The following ASIP variants were observed in gnomAD, a reference collection of about 807,000 sequenced individuals.
The protein encoded by ASIP is agouti signaling protein, also known as agouti-signaling protein.
ASIP carries 11 observed loss-of-function variants against 10.3 expected under a neutral mutation model. The observed-to-expected ratio is 1.07, with a 90% confidence interval of 0.68 to 1.78. ASIP has a LOEUF of 1.78. ASIP is among the 40% of genes most tolerant of loss of function. The pLI, the probability that ASIP is intolerant of heterozygous loss-of-function variation, is 0.00. For synonymous variants in ASIP, 70 were observed against 70.8 expected, an observed-to-expected ratio of 0.99 and a Z score of 0.06; for missense variants, 180 against 169.2, an observed-to-expected ratio of 1.06 and a Z score of -0.35.
chr20:34,243,686 C>A (rs1163934039), intron 1 of ASIP, among the ~76,000 whole-genome samples: 1 of 150,214 alleles, frequency 6.7e-6, no homozygotes, highest in Non-Finnish European at 1.5e-5. Context: ...TAGTAGAATT[C>A]ACAGTTAATG....
At chr20:34,215,656 A>G in intron 1 of ASIP, 1 of 1,460,612 alleles carries the variant, frequency 6.8e-7, no homozygotes, top group Admixed American at 1.7e-5. Context: ...GCGTCTCCCT[A>G]ATTAGTTGTT....
intron 1 of ASIP, among the ~76,000 whole-genome samples, chr20:34,205,488 A>G (rs932904827): frequency 6.6e-6 from 1 of 151,466 alleles, no homozygotes; most frequent in Non-Finnish European, 1.5e-5. Flanking sequence ...TTATAAAGGT[A>G]GTGCAGACCC....
At chr20:34,213,390 T>G in intron 1 of ASIP, 1 of 627,596 alleles carries the variant, frequency 1.6e-6, no homozygotes, top group Non-Finnish European at 2.8e-6. Flanking sequence ...TGCCAGAGAG[T>G]GGAGTGTTGC....
chr20:34,213,787 C>T, intron 1 of ASIP: 1 of 1,505,758 alleles, frequency 6.6e-7, no homozygotes, highest in East Asian at 2.3e-5. Context: ...TTGTAAGGGA[C>T]AACTGAGGGC....
At chr20:34,260,574 G>T (rs1466601415) in intron 2 of ASIP, 40 bp downstream of exon 2, 4 of 1,555,080 alleles carry the variant, frequency 2.6e-6, no homozygotes, top group Non-Finnish European at 3.5e-6. Flanking sequence ...CAGGAGAGGG[G>T]CTGCAGGAGA....
intron 1 of ASIP, among the ~76,000 whole-genome samples, chr20:34,248,829 G>T (rs187790601): frequency 2.2e-4 from 33 of 151,556 alleles, no homozygotes; most frequent in African/African-American, 3.1e-4. Flanking sequence ...ATATTCAGCA[G>T]AATATGTTGT....
At chr20:34,263,771 C>T (rs1352311322) in intron 3 of ASIP, among the ~76,000 whole-genome samples, 13 of 150,932 alleles carry the variant, frequency 8.6e-5, no homozygotes, top group Admixed American at 5.3e-4. Flanking sequence ...CGAGTTCAAG[C>T]GATTCTCATG....
At chr20:34,220,976 T>TTC (rs1491051682) in intron 1 of ASIP, among the ~76,000 whole-genome samples, 1 of 148,598 alleles carries the variant, frequency 6.7e-6, no homozygotes, top group African/African-American at 2.5e-5. Context: ...TTTTTTTTTT[T>TTC]CTTCAGTGAA....
intron 1 of ASIP, among the ~76,000 whole-genome samples, chr20:34,210,652 A>G (rs1396365380): frequency 1.3e-5 from 2 of 152,260 alleles, no homozygotes; most frequent in Non-Finnish European, 2.9e-5. Flanking sequence ...AAACTCAGGC[A>G]AAGGTGCCAC....
In ASIP at chr20:34,211,968, T is replaced by C. The variant is rs181346443; in HGVS notation, c.-11+17208T>C. ...AAAGCTTTGGTACATTCTCAGTAAT[T>C]ATCTTCTCAAATATTGCTTGTGTCC... On this transcript the variant is annotated intron_variant, in intron 1 of 3. Coordinates refer to the ASIP transcript ENST00000568305. Among the ~76,000 whole-genome samples the C allele has an allele frequency of 2.6e-5, 4 of 152,320 alleles. No homozygotes were observed. The East Asian group carries it at 7.7e-4, about 29-fold the overall frequency.
At chr20:34,213,659 C>T in intron 1 of ASIP, 3 of 1,560,212 alleles carry the variant, frequency 1.9e-6, no homozygotes, top group African/African-American at 1.4e-5. Flanking sequence ...AGGTCTTTTG[C>T]TTCACAATCT....
At chr20:34,215,894 C>A in intron 1 of ASIP, 1 of 949,492 alleles carries the variant, frequency 1.1e-6, no homozygotes, top group Non-Finnish European at 1.7e-6. Context: ...TTTATCCATC[C>A]TTGCTGCTAT....
intron 1 of ASIP, among the ~76,000 whole-genome samples, chr20:34,210,682 C>A (rs2034968781): frequency 1.3e-5 from 2 of 152,190 alleles, no homozygotes; most frequent in Non-Finnish European, 2.9e-5. Flanking sequence ...AGGTTTCCAG[C>A]CAGAAAAGTG....
upstream of ASIP, among the ~76,000 whole-genome samples, chr20:34,240,900 C>T (rs1179999869): frequency 6.6e-6 from 1 of 152,132 alleles, no homozygotes; most frequent in East Asian, 1.9e-4. Context: ...GACCACAAGA[C>T]TTCTGGCAAC....
intron 1 of ASIP, among the ~76,000 whole-genome samples, chr20:34,204,484 GC>G (rs1468155677): frequency 2.6e-5 from 4 of 152,124 alleles, no homozygotes; most frequent in African/African-American, 4.8e-5. Context: ...CTCCCAAAGT[GC>G]TGGGATTACA....
At chr20:34,258,690 T>TATATATATATATACAC (rs1250992566) in intron 1 of ASIP, among the ~76,000 whole-genome samples, 2 of 72,326 alleles carry the variant, frequency 2.8e-5, no homozygotes, top group African/African-American at 1.5e-4. Flanking sequence ...TATATATATA[T>TATATATATATATACAC]ACATACTATA....
chr20:34,196,519 G>A (rs1344129417), intron 1 of ASIP, among the ~76,000 whole-genome samples: 1 of 152,122 alleles, frequency 6.6e-6, no homozygotes, highest in Non-Finnish European at 1.5e-5. Context: ...AAGTTCAGAT[G>A]TCTGGGAGGA....
At chr20:34,211,595 A>T (rs1171060366) in intron 1 of ASIP, among the ~76,000 whole-genome samples, 2 of 152,244 alleles carry the variant, frequency 1.3e-5, no homozygotes, top group Non-Finnish European at 2.9e-5. Context: ...TACGGGTGAC[A>T]AATTTTTCTC....
chr20:34,214,783 G>A, intron 1 of ASIP: 1 of 1,472,034 alleles, frequency 6.8e-7, no homozygotes, highest in Non-Finnish European at 9.5e-7. Context: ...CGAGAGCACT[G>A]TAAGCTGTTT....
Sources: allele counts gnomAD v4.1 joint callset (sites outside exome capture counted in the v4.1 genomes callset), GRCh38; gene constraint gnomAD v4.1.1; transcripts MANE v1.5; gene names NCBI Gene and HGNC (gene_info 2026-07-23, HGNC 2026-07-21).